Variants in KIAA0825 observed in about 807,000 individuals in gnomAD.
The protein encoded by KIAA0825 is uncharacterized protein KIAA0825.
Under a neutral mutation model 147.6 loss-of-function variants are expected in KIAA0825, and 119 were observed. That is an observed-to-expected ratio of 0.81 (90% CI 0.69 to 0.94). The LOEUF (loss-of-function observed/expected upper bound fraction) is 0.94, where lower values mean the gene tolerates loss of function less well. Ranked by LOEUF, KIAA0825 falls within the 40% of genes least tolerant of loss-of-function variation. KIAA0825 has a pLI of 0.00. For missense variants in KIAA0825, 1,381 were observed against 1,472.7 expected, an observed-to-expected ratio of 0.94 and a Z score of 1.02; for synonymous variants, 470 against 518.1, an observed-to-expected ratio of 0.91 and a Z score of 1.26.
At chr5:94,497,177 A>T (rs1764479700) in intron 5 of KIAA0825, among the ~76,000 whole-genome samples, 1 of 152,160 alleles carries the variant, frequency 6.6e-6, no homozygotes, top group African/African-American at 2.4e-5. Flanking sequence ...GACAAAGTAA[A>T]TCCACTCTGA....
At chr5:94,520,182 T>C in intron 5 of KIAA0825, 66 bp downstream of exon 5, 1 of 1,423,648 alleles carries the variant, frequency 7.0e-7, no homozygotes. Context: ...ATAGAAAACA[T>C]CTTAGAAAAT....
intron 20 of KIAA0825, among the ~76,000 whole-genome samples, chr5:94,208,553 T>C (rs571768513): frequency 6.6e-6 from 1 of 152,230 alleles, no homozygotes; most frequent in South Asian, 2.1e-4. Flanking sequence ...AAGGTGGCAA[T>C]GCTAGAAAAC....
At chr5:94,215,444 G>A (rs1041316423) in intron 20 of KIAA0825, among the ~76,000 whole-genome samples, 5 of 152,108 alleles carry the variant, frequency 3.3e-5, no homozygotes, top group African/African-American at 1.2e-4. Flanking sequence ...GGCTTAGTGT[G>A]GGAGTTGTGA....
chr5:94,406,492 T>C (rs1752082039), intron 15 of KIAA0825, among the ~76,000 whole-genome samples: 1 of 152,214 alleles, frequency 6.6e-6, no homozygotes, highest in African/African-American at 2.4e-5. Context: ...TCAGGCATTC[T>C]TTAAAAATAG....
At chr5:94,337,644 C>T (rs900872286) in intron 20 of KIAA0825, among the ~76,000 whole-genome samples, 1 of 152,052 alleles carries the variant, frequency 6.6e-6, no homozygotes, top group African/African-American at 2.4e-5. Context: ...GTTGGTGTAT[C>T]TGAGGAATAG....
intron 5 of KIAA0825, among the ~76,000 whole-genome samples, chr5:94,491,066 A>C (rs1470815979): frequency 6.6e-6 from 1 of 152,162 alleles, no homozygotes; most frequent in African/African-American, 2.4e-5. Flanking sequence ...GAGAAGCTAC[A>C]CAATCAGATA....
chr5:94,504,032 G>A (rs1477235335), intron 5 of KIAA0825, among the ~76,000 whole-genome samples: 1 of 152,070 alleles, frequency 6.6e-6, no homozygotes, highest in Non-Finnish European at 1.5e-5. Context: ...AGAGAGAAAG[G>A]GGCTCAATTC....
intron 14 of KIAA0825, among the ~76,000 whole-genome samples, chr5:94,424,902 A>C (rs1462979808): frequency 6.6e-6 from 1 of 152,196 alleles, no homozygotes; most frequent in East Asian, 1.9e-4. Flanking sequence ...GAAACGGATA[A>C]ATTCCTGGAC....
intron 20 of KIAA0825, among the ~76,000 whole-genome samples, chr5:94,184,165 A>G (rs1427327056): frequency 6.6e-6 from 1 of 152,218 alleles, no homozygotes; most frequent in Non-Finnish European, 1.5e-5. Flanking sequence ...CCAAACATTT[A>G]GTATTCTAAG....
chr5:94,554,366 C>G (rs1194932681), intron 2 of KIAA0825, among the ~76,000 whole-genome samples: 1 of 151,902 alleles, frequency 6.6e-6, no homozygotes, highest in Admixed American at 6.6e-5. Flanking sequence ...TTGTATTATT[C>G]TTTGTATTGC....
At chr5:94,388,080 G>A (rs994678792) in intron 18 of KIAA0825, among the ~76,000 whole-genome samples, 3 of 152,188 alleles carry the variant, frequency 2.0e-5, no homozygotes, top group Admixed American at 1.3e-4. Flanking sequence ...GACATGGACC[G>A]TGGGGAGGGG....
intron 17 of KIAA0825, among the ~76,000 whole-genome samples, chr5:94,395,399 A>T (rs1485405869): frequency 1.3e-5 from 2 of 152,232 alleles, no homozygotes; most frequent in African/African-American, 4.8e-5. Context: ...TCTGTAGACC[A>T]TGTGAGCTGG....
intron 15 of KIAA0825, among the ~76,000 whole-genome samples, chr5:94,406,075 C>T (rs564582912): frequency 3.9e-5 from 6 of 151,992 alleles, no homozygotes; most frequent in African/African-American, 7.2e-5. Flanking sequence ...TACAGGCATG[C>T]GCCACCACGC....
intron 20 of KIAA0825, among the ~76,000 whole-genome samples, chr5:94,209,423 C>T (rs1206193701): frequency 6.6e-6 from 1 of 152,136 alleles, no homozygotes; most frequent in African/African-American, 2.4e-5. Flanking sequence ...CAGGGTGAGA[C>T]ATCAAATGCT....
chr5:94,194,105 C>T (rs750048912), intron 20 of KIAA0825, among the ~76,000 whole-genome samples: 2 of 152,152 alleles, frequency 1.3e-5, no homozygotes, highest in Admixed American at 6.5e-5. Flanking sequence ...GGTTCTCCTT[C>T]CAGGGCTCAC....
intron 20 of KIAA0825, among the ~76,000 whole-genome samples, chr5:94,234,269 G>A (rs1040171524): frequency 5.3e-5 from 8 of 151,988 alleles, no homozygotes; most frequent in African/African-American, 1.4e-4. Flanking sequence ...TACGCGGGAG[G>A]CTGAGGCAGG....
intron 20 of KIAA0825, among the ~76,000 whole-genome samples, chr5:94,346,432 T>A (rs1782994712): frequency 6.6e-6 from 1 of 152,098 alleles, no homozygotes. Flanking sequence ...CCGAGAGGAT[T>A]CACAGACCCT....
intron 12 of KIAA0825, among the ~76,000 whole-genome samples, chr5:94,459,664 C>T (rs371457947): frequency 6.6e-6 from 1 of 152,066 alleles, no homozygotes. Flanking sequence ...GATCTACCTT[C>T]GGGTATATTT....
chr5:94,157,379 T>C (rs1767133736), intron 20 of KIAA0825, among the ~76,000 whole-genome samples: 1 of 152,148 alleles, frequency 6.6e-6, no homozygotes, highest in Non-Finnish European at 1.5e-5. Context: ...ATTAACTGTC[T>C]TCTGGAATTG....
Sources: allele counts gnomAD v4.1 joint callset (sites outside exome capture counted in the v4.1 genomes callset), GRCh38; gene constraint gnomAD v4.1.1; transcripts MANE v1.5; gene names NCBI Gene and HGNC (gene_info 2026-07-23, HGNC 2026-07-21).